The following TESK2 variants were observed in gnomAD, a reference collection of about 807,000 sequenced individuals.
The protein encoded by TESK2 is testis associated actin remodelling kinase 2, also known as dual specificity testis-specific protein kinase 2.
In TESK2, 39 loss-of-function variants were observed where a neutral mutation model predicts 57.1. The observed-to-expected ratio is 0.68, with a 90% CI of 0.53 to 0.89. The LOEUF (loss-of-function observed/expected upper bound fraction) is 0.89, where lower values mean the gene tolerates loss of function less well. Ranked by LOEUF, TESK2 falls within the 40% of genes least tolerant of loss-of-function variation. TESK2 has a pLI of 0.00. For missense variants in TESK2, 646 were observed against 732.1 expected, an observed-to-expected ratio of 0.88 and a Z score of 1.36; for synonymous variants, 249 against 267.9, an observed-to-expected ratio of 0.93 and a Z score of 0.69.
intron 1 of TESK2, among the ~76,000 whole-genome samples, chr1:45,467,879 A>G (rs1033468990): frequency 6.6e-6 from 1 of 152,002 alleles, no homozygotes; most frequent in Non-Finnish European, 1.5e-5. Context: ...AAGTCCACAA[A>G]CTTAAAATAT....
At chr1:45,352,893 C>CTT (rs909810518) in intron 5 of TESK2, among the ~76,000 whole-genome samples, 1 of 145,774 alleles carries the variant, frequency 6.9e-6, no homozygotes, top group African/African-American at 2.5e-5. Flanking sequence ...ATGCAATTTT[C>CTT]TTTTTTTTTT....
intron 1 of TESK2, among the ~76,000 whole-genome samples, chr1:45,477,566 G>T (rs1199095043): frequency 6.6e-6 from 1 of 151,540 alleles, no homozygotes; most frequent in Non-Finnish European, 1.5e-5. Flanking sequence ...TGGTTGCAGT[G>T]AGCTGAGATC....
chr1:45,408,725 G>A (rs1036474173), intron 3 of TESK2, among the ~76,000 whole-genome samples: 2 of 152,172 alleles, frequency 1.3e-5, no homozygotes, highest in African/African-American at 4.8e-5. Flanking sequence ...TTGAGGGTAG[G>A]ATAGGAATGA....
At chr1:45,370,785 G>C (rs969556808) in intron 4 of TESK2, among the ~76,000 whole-genome samples, 2 of 152,140 alleles carry the variant, frequency 1.3e-5, no homozygotes, top group African/African-American at 2.4e-5. Context: ...CAGGAATAGA[G>C]AGGCAAGAGA....
At chr1:45,381,845 T>C (rs570569861) in intron 4 of TESK2, among the ~76,000 whole-genome samples, 1 of 151,148 alleles carries the variant, frequency 6.6e-6, no homozygotes, top group African/African-American at 2.4e-5. Context: ...GACATACTTA[T>C]GGTACATTCC....
chr1:45,487,255 T>C (rs976086499), intron 1 of TESK2, among the ~76,000 whole-genome samples: 2 of 152,196 alleles, frequency 1.3e-5, no homozygotes, highest in African/African-American at 4.8e-5. Flanking sequence ...ATCCAGGGCA[T>C]CAAGTATCTG....
intron 1 of TESK2, among the ~76,000 whole-genome samples, chr1:45,478,952 G>C (rs1042726718): frequency 6.6e-6 from 1 of 152,076 alleles, no homozygotes; most frequent in Admixed American, 6.6e-5. Context: ...TCAAACTCCT[G>C]ACCTCACATA....
chr1:45,427,894 CAG>C (rs1650769308), intron 2 of TESK2, among the ~76,000 whole-genome samples: 1 of 152,104 alleles, frequency 6.6e-6, no homozygotes, highest in African/African-American at 2.4e-5. Flanking sequence ...TTTAAAATAA[CAG>C]AGTATAATTG....
At chr1:45,383,661 A>C (rs115180701) in intron 4 of TESK2, among the ~76,000 whole-genome samples, 280 of 152,330 alleles carry the variant, frequency 1.8e-3, no homozygotes, top group African/African-American at 6.5e-3. Flanking sequence ...CGGCAAAATT[A>C]ACACACCAGC....
chr1:45,453,791 G>A (rs1651967425), intron 2 of TESK2, among the ~76,000 whole-genome samples: 1 of 151,876 alleles, frequency 6.6e-6, no homozygotes. Context: ...TCATATATCT[G>A]GTAAGGGATA....
intron 1 of TESK2, among the ~76,000 whole-genome samples, chr1:45,478,365 C>T (rs1653083385): frequency 6.6e-6 from 1 of 152,098 alleles, no homozygotes; most frequent in African/African-American, 2.4e-5. Flanking sequence ...TTAATTGTTG[C>T]TTATCATCTC....
intron 4 of TESK2, among the ~76,000 whole-genome samples, chr1:45,384,419 C>G (rs1016497533): frequency 2.0e-5 from 3 of 150,832 alleles, no homozygotes; most frequent in African/African-American, 7.3e-5. Context: ...ATCTATCTAT[C>G]TATCTATCTA....
intron 1 of TESK2, among the ~76,000 whole-genome samples, chr1:45,472,991 A>AG (rs1652829960): frequency 6.6e-6 from 1 of 151,284 alleles, no homozygotes; most frequent in Non-Finnish European, 1.5e-5. Context: ...AAAAAAAAAA[A>AG]AAATACAAAA....
At chr1:45,392,066 T>G (rs1309552403) in intron 3 of TESK2, among the ~76,000 whole-genome samples, 1 of 152,134 alleles carries the variant, frequency 6.6e-6, no homozygotes, top group Non-Finnish European at 1.5e-5. Context: ...TTCCCCAGAC[T>G]GGAATATAAG....
At chr1:45,432,714 C>T (rs1651024036) in intron 2 of TESK2, among the ~76,000 whole-genome samples, 1 of 145,240 alleles carries the variant, frequency 6.9e-6, no homozygotes, top group Non-Finnish European at 1.5e-5. Context: ...ATATACAATA[C>T]ATTATTAATG....
chr1:45,429,607 T>C (rs796463622), intron 2 of TESK2, among the ~76,000 whole-genome samples: 5 of 152,012 alleles, frequency 3.3e-5, no homozygotes, highest in African/African-American at 1.2e-4. Context: ...TTGGATTGAG[T>C]TCCTGCACTA....
intron 4 of TESK2, among the ~76,000 whole-genome samples, chr1:45,367,850 G>A (rs111907424): frequency 0.064 from 9,563 of 149,724 alleles, 1,064 homozygotes; most frequent in African/African-American, 0.22. Context: ...GTAGAGACGG[G>A]GTTTCACCAT....
intron 5 of TESK2, among the ~76,000 whole-genome samples, chr1:45,349,711 T>C (rs1174346128): frequency 6.6e-6 from 1 of 152,248 alleles, no homozygotes; most frequent in Non-Finnish European, 1.5e-5. Context: ...GACTTACATG[T>C]TTGCCTCTTC....
intron 4 of TESK2, among the ~76,000 whole-genome samples, chr1:45,363,950 GT>G (rs1461708803): frequency 3.9e-5 from 6 of 152,142 alleles, no homozygotes; most frequent in Admixed American, 6.6e-5. Flanking sequence ...GATTCAGTAA[GT>G]TGATACATGT....
Sources: allele counts gnomAD v4.1 joint callset (sites outside exome capture counted in the v4.1 genomes callset), GRCh38; gene constraint gnomAD v4.1.1; transcripts MANE v1.5; gene names NCBI Gene and HGNC (gene_info 2026-07-23, HGNC 2026-07-21).